Variants in SRCAP observed in about 807,000 individuals in gnomAD.
SRCAP encodes the protein Snf2 related CREBBP activator protein.
SRCAP carries 46 observed loss-of-function variants against 263.1 expected under a neutral mutation model. That is an observed-to-expected ratio of 0.17 (90% CI 0.14 to 0.22). The LOEUF is 0.22. Ranked by LOEUF, SRCAP falls within the 10% of genes least tolerant of loss-of-function variation. The pLI is 1.00. For missense variants in SRCAP, 3,695 were observed against 4,181.9 expected (o/e 0.88, Z 3.21); for synonymous variants, 1,813 against 1,662.1 (o/e 1.09, Z -2.21).
rs757328176 is a variant in SRCAP at position 30,734,553 on chromosome 16, C to T, written c.6667C>T (p.Pro2223Ser). 5 of 1,613,842 alleles carry T rather than the reference C, an allele frequency of 3.1e-6. No individual in the cohort carries two copies. Among genetic ancestry groups the T allele is most frequent in the Non-Finnish European group, 3.4e-6 (4 of 1,180,004 alleles). Reference sequence around the variant, plus strand: ...GGAGGAACCTTCTAGCTCATCCGTGCCCTCTGCCCCTGAAGAGGAGGAAGA... The same window carrying T: ...GGAGGAACCTTCTAGCTCATCCGTGTCCTCTGCCCCTGAAGAGGAGGAAGA... The part of the protein sequence containing the change: ...PLEEPSSSSV[P>S]SAPEEEEETV... Residue 2223 changes from proline to serine, a missense_variant, in exon 31 of 34, where the codon CCC (proline) becomes TCC (serine). By Grantham distance (74) the Pro-to-Ser change is moderately conservative. Transcript: ENST00000262518.
Position 30,711,682 on chromosome 16 carries a change from G to C in SRCAP, c.1430G>C (p.Cys477Ser). 2.5e-6 allele frequency: 4 copies of C among 1,614,122 alleles called. No homozygotes were observed. Among genetic ancestry groups the C allele is most frequent in the Non-Finnish European group, 3.4e-6 (4 of 1,180,010 alleles). The change falls in exon 11 of 34, where the codon TGT becomes TCT. Residue 477 changes from cysteine (C) to serine (S), a missense_variant. Physicochemically the swap from Cys to Ser is moderately radical, Grantham distance 112 (BLOSUM62 -1). Transcript: ENST00000262518. Reference protein sequence around the residue: ...EDEVDANSSDCEPEGPVEAEE... With the variant: ...EDEVDANSSDSEPEGPVEAEE... ...GAGGTTGATGCTAATAGCTCTGACT[G>C]TGAACCAGAGGGGCCCGTGGAAGCG...
chr16:30,705,886 A>G (rs2052822496), intron 4 of SRCAP, among the ~76,000 whole-genome samples: 1 of 151,772 alleles, frequency 6.6e-6, no homozygotes. Context: ...TTGTGTTTTT[A>G]GTAGACACGG....
In SRCAP at chr16:30,729,091, G is replaced by T; in HGVS notation, c.5784G>T (p.Leu1928=). ...CTGAAGTCCTGGATTTCTGTACCCT[G>T]CCCCAACCTGTTGCCAGCCCCATCG... The part of the protein sequence containing the change: ...YGTEVLDFCT[L]PQPVASPIGP... The change falls in exon 26 of 34, where the codon CTG becomes CTT. Residue 1928 remains leucine, a synonymous_variant. Coordinates refer to ENST00000262518, the MANE Select transcript of SRCAP (RefSeq NM_006662.3). 6.2e-7 allele frequency: 1 copy of T among 1,614,174 alleles called. No homozygotes were observed. The highest frequency in any genetic ancestry group is 8.5e-7 in the Non-Finnish European group (1 of 1,180,034).
Position 30,739,266 on chromosome 16 carries a change from A to G in SRCAP, c.9226A>G (p.Met3076Val), listed in dbSNP as rs200710301. Residue 3076 changes from methionine (M) to valine (V), a missense_variant, in exon 34 of 34, where the codon ATG (methionine) becomes GTG (valine). By Grantham distance (21) the Met-to-Val change is conservative (BLOSUM62 1). Coordinates refer to ENST00000262518, the MANE Select transcript of SRCAP (RefSeq NM_006662.3). ...CCGCCTTCGGCTTGAAGCAGAAGGA[A>G]TGCGAGGACGGAAGAGTGGAGGGTC... ...LARLRLEAEG[M>V]RGRKSGGSMV... 1.3e-4 allele frequency: 209 copies of G among 1,614,002 alleles called. No individual in the cohort carries two copies. The highest frequency in any genetic ancestry group is 1.1e-5 in the South Asian group (1 of 91,088).
chr16:30,728,716 TTTCTC>T (rs778096169), intron 25 of SRCAP, among the ~76,000 whole-genome samples: 3 of 152,190 alleles, frequency 2.0e-5, no homozygotes, highest in Admixed American at 1.3e-4. Flanking sequence ...AAAGATCAGT[TTTCTC>T]TAGGAGAGAA....
At chr16:30,703,978 T>C in intron 3 of SRCAP, 86 bp from the exon 4 acceptor site, 1 of 1,470,608 alleles carries the variant, frequency 6.8e-7, no homozygotes, top group South Asian at 1.4e-5. Context: ...CAGTTTTTTC[T>C]TGTGAAGATC....
chr16:30,735,287 C>T (rs1480820980), intron 31 of SRCAP, among the ~76,000 whole-genome samples: 2 of 149,408 alleles, frequency 1.3e-5, no homozygotes, highest in East Asian at 3.9e-4. Context: ...GCTGGGACTA[C>T]AGGCGCCCGC....
At position 30,735,866 on chromosome 16, in the gene SRCAP, A is replaced by C. The variant is rs373935675; in HGVS notation, c.6730-334A>C. Among the ~76,000 whole-genome samples the C allele has an allele frequency of 7.3e-5, 11 of 150,898 alleles. No homozygotes were observed. In the East Asian group the frequency reaches 2.1e-3, roughly 29 times the overall value. On this transcript the variant is annotated intron_variant, in intron 31 of 33. Transcript: ENST00000262518. ...AGTGCTGCAATTATAGGATTGAGCC[A>C]CTGCGCCCGGGTGAATTGTGCATTT... is the stretch of plus-strand genomic sequence containing the variant.
In SRCAP at chr16:30,739,459, G is replaced by A; in HGVS notation, c.9419G>A (p.Arg3140Gln). Residue 3140 changes from arginine (R) to glutamine (Q), a missense_variant, in exon 34 of 34, where the codon CGA becomes CAA. Physicochemically the swap from Arg to Gln is conservative, Grantham distance 43. This residue lies in a region of SRCAP where 1,207 missense variants were observed against 1,142.9 expected (regional missense o/e 1.06). Coordinates refer to ENST00000262518, the MANE Select transcript of SRCAP (RefSeq NM_006662.3). ...GAGACTGAGAAGTTGCCTCGCAAAC[G>A]AGCAGGGGCCCCAGTTGGTGGGAGT... ...PLETEKLPRK[R>Q]AGAPVGGSPG... 6.2e-7 allele frequency: 1 copy of A among 1,614,140 alleles called. No individual in the cohort carries two copies. The highest frequency in any genetic ancestry group is 8.5e-7 in the Non-Finnish European group (1 of 1,180,022).
intron 6 of SRCAP, among the ~76,000 whole-genome samples, chr16:30,708,902 T>G (rs1033822589): frequency 2.0e-5 from 3 of 152,200 alleles, no homozygotes; most frequent in Non-Finnish European, 4.4e-5. Flanking sequence ...TACTGCAACC[T>G]CTGCCTCCCA....
At chr16:30,714,029 C>G (rs939900023) in intron 16 of SRCAP, among the ~76,000 whole-genome samples, 4 of 150,770 alleles carry the variant, frequency 2.7e-5, no homozygotes, top group African/African-American at 9.8e-5. Flanking sequence ...TCCCGAGTAG[C>G]CAGGACTACA....
At position 30,704,261 on chromosome 16, in the gene SRCAP, C is replaced by A. The variant is rs1046499798; in HGVS notation, c.252C>A (p.Asn84Lys). ...TATCCCAGGCTGCTGACCTGGCTAA[C>A]AAGGGCCCGAAGTGGGAGAAGAGCC... ...FSLSQAADLANKGPKWEKSHA... is the reference protein window; with the variant it reads ...FSLSQAADLAKKGPKWEKSHA... The change falls in exon 4 of 34, where the codon AAC becomes AAA. Residue 84 changes from asparagine (N) to lysine (K), a missense_variant. Physicochemically the swap from Asn to Lys is moderately conservative, Grantham distance 94. Coordinates refer to ENST00000262518, the MANE Select transcript of SRCAP (RefSeq NM_006662.3). 6.2e-7 allele frequency: 1 copy of A among 1,613,980 alleles called. No individual in the cohort carries two copies. Among genetic ancestry groups the A allele is most frequent in the Non-Finnish European group, 8.5e-7 (1 of 1,179,854 alleles).
chr16:30,705,650 C>T (rs573750150), intron 4 of SRCAP, among the ~76,000 whole-genome samples: 17 of 150,454 alleles, frequency 1.1e-4, no homozygotes, highest in Non-Finnish European at 1.8e-4. Context: ...CTGCCAGCCT[C>T]GGCCTCTGAA....
rs534415389 is a variant in SRCAP, at chr16:30,740,817, C to G, written c.*1084C>G. The G allele has an allele frequency of 6.6e-6, 1 of 152,416 alleles. No homozygotes were observed. The highest frequency in any genetic ancestry group is 2.1e-4 in the South Asian group (1 of 4,826). 9.4% of individuals were successfully genotyped at this position (152,416 alleles called of 1,614,324 possible). ...CTGAGTTATTTCTTTGTATCTACTT[C>G]CCTGCAGCTTCTTGGCACACATCAT... On this transcript the variant is annotated 3_prime_UTR_variant, in exon 34 of 34. Coordinates refer to ENST00000262518, the MANE Select transcript of SRCAP (RefSeq NM_006662.3).
chr16:30,739,828 AAGCCTCC>A lies in SRCAP; in HGVS notation c.*98_*104del. ...CCACTACTTGAAGTCTTGAGGGGGA[AAGCCTCC>A]AGGGAGACATAGGGGCCTTCTCCCT... On this transcript the variant is annotated 3_prime_UTR_variant, in exon 34 of 34. Transcript: ENST00000262518. The A allele has an allele frequency of 1.4e-6, 2 of 1,419,274 alleles. No homozygotes were observed. 87.9% of individuals were successfully genotyped at this position (1,419,274 alleles called of 1,614,324 possible). A position where few individuals can be genotyped will look rare whatever the true frequency, so the allele number is the denominator to read the frequency against.
rs760604791 is a variant in SRCAP, at chr16:30,738,343, GGCA to G, written c.8309_8311del (p.Gln2770del). On this transcript the variant is annotated inframe_deletion, in exon 34 of 34. Transcript: ENST00000262518. ...GAAAAGGAACTGGTGCGGCGGCGGC[GGCA>G]GCAGCGGGGAGCTGCCAGCACCCTA... is the stretch of plus-strand genomic sequence containing the variant. 18 of 1,570,940 alleles carry G rather than the reference GGCA, an allele frequency of 1.1e-5. No individual in the cohort carries two copies. In the African/African-American group the frequency reaches 2.3e-4, roughly 20 times the overall value.
At chr16:30,702,861 C>T (rs1470998608) in intron 3 of SRCAP, among the ~76,000 whole-genome samples, 1 of 151,374 alleles carries the variant, frequency 6.6e-6, no homozygotes, top group Non-Finnish European at 1.5e-5. Flanking sequence ...GCCTCGGCCT[C>T]CCAAAGTCCA....
rs1186490890 is a variant in SRCAP at position 30,724,755 on chromosome 16, T to C, written c.5331T>C (p.Ala1777=). ...CTTTGGCTCCAGCATCGTCATCTGC[T>C]TCACTCCTGGCCCCAGCTTCAGTGC... The part of the protein sequence containing the change: ...TLTLAPASSS[A]SLLAPASVQT... The change falls in exon 25 of 34, where the codon GCT becomes GCC. Residue 1777 remains alanine (A), a synonymous_variant. Coordinates refer to ENST00000262518, the MANE Select transcript of SRCAP (RefSeq NM_006662.3). 1 of 1,613,790 alleles carries C rather than the reference T, an allele frequency of 6.2e-7. No individual in the cohort carries two copies. The highest frequency in any genetic ancestry group is 1.3e-5 in the African/African-American group (1 of 74,902).
Position 30,723,152 on chromosome 16 carries a change from C to T in SRCAP, c.4082C>T (p.Ala1361Val), listed in dbSNP as rs367874972. 1.6e-4 allele frequency: 258 copies of T among 1,614,030 alleles called. No homozygotes were observed. The highest frequency in any genetic ancestry group is 2.1e-4 in the Non-Finnish European group (243 of 1,180,038). Residue 1361 changes from alanine (A) to valine (V), a missense_variant, in exon 24 of 34, where the codon GCT becomes GTT. By Grantham distance (64) the Ala-to-Val change is moderately conservative. Transcript: ENST00000262518. ...CTACCCACACCTACTCTGGGTACTG[C>T]TCGAGCCCCCATGCCCACACCCACT... ...GRLPTPTLGT[A>V]RAPMPTPTLV...
Sources: gnomAD v4.1 joint callset for allele counts (sites outside exome capture counted in the v4.1 genomes callset) on GRCh38, gnomAD v4.1.1 for gene constraint, gnomAD v4.1.1 regional missense constraint, MANE v1.5 for transcripts, NCBI Gene and HGNC (gene_info 2026-07-23, HGNC 2026-07-21) for gene names.